The following CCDC18 variants were observed in gnomAD, a reference collection of about 807,000 sequenced individuals.
CCDC18 encodes coiled-coil domain containing 18.
CCDC18 carries 157 observed loss-of-function variants against 196.0 expected under a neutral mutation model. The ratio of observed to expected loss-of-function variants is 0.80; its 90% CI spans 0.70 to 0.91. The LOEUF is 0.91. Ranked by LOEUF, CCDC18 falls within the 40% of genes least tolerant of loss-of-function variation. CCDC18 has a pLI of 0.00. For synonymous variants in CCDC18, 482 were observed against 529.2 expected, an observed-to-expected ratio of 0.91 and a Z score of 1.22; for missense variants, 1,465 against 1,611.6, an observed-to-expected ratio of 0.91 and a Z score of 1.56.
In CCDC18 at chr1:93,270,673, T is replaced by C; in HGVS notation, c.4212T>C (p.Phe1404=). The change falls in exon 28 of 29, where the codon TTT becomes TTC. Residue 1404 remains phenylalanine, a synonymous_variant. Coordinates refer to ENST00000690025, the MANE Select transcript of CCDC18 (RefSeq NM_001378204.1). ...KNLTYTQPDS[F]KPLTYNLEAD... is the part of the protein sequence containing the mutation. ...TGACTTACACCCAGCCAGACTCATT[T>C]AAACCTCTCACATATAACCTAGAAG... 1 of 1,550,424 alleles carries C rather than the reference T, an allele frequency of 6.4e-7. No homozygotes were observed. Among genetic ancestry groups the C allele is most frequent in the Non-Finnish European group, 8.7e-7 (1 of 1,146,894 alleles).
chr1:93,206,726 GA>G (rs1335085993), intron 8 of CCDC18, among the ~76,000 whole-genome samples: 1 of 152,074 alleles, frequency 6.6e-6, no homozygotes, highest in East Asian at 1.9e-4. Flanking sequence ...CCTGTTTTAG[GA>G]ATCCAAAACT....
intron 16 of CCDC18, among the ~76,000 whole-genome samples, chr1:93,222,704 C>T (rs1570429466): frequency 6.6e-6 from 1 of 152,050 alleles, no homozygotes; most frequent in African/African-American, 2.4e-5. Context: ...AATGACAATA[C>T]CCTAGAAGAG....
chr1:93,274,603 G>A (rs1469148097), intron 28 of CCDC18, among the ~76,000 whole-genome samples: 1 of 151,972 alleles, frequency 6.6e-6, no homozygotes, highest in Non-Finnish European at 1.5e-5. Flanking sequence ...CCAACACTTT[G>A]GGAGGCCAAG....
chr1:93,251,105 T>G (rs1662178668), intron 23 of CCDC18, among the ~76,000 whole-genome samples: 2 of 152,230 alleles, frequency 1.3e-5, no homozygotes, highest in South Asian at 4.1e-4. Context: ...CTGTTTATTT[T>G]TAGTGTATCT....
chr1:93,269,190 A>G (rs1295876815), intron 27 of CCDC18, among the ~76,000 whole-genome samples: 2 of 148,306 alleles, frequency 1.3e-5, no homozygotes, highest in African/African-American at 2.5e-5. Context: ...AAAACCAAAC[A>G]CCGCATGTTC....
In CCDC18 at chr1:93,207,318, C is replaced by T. The variant is rs202214098; in HGVS notation, c.1129C>T (p.Arg377Ter). The T allele has an allele frequency of 3.8e-5, 61 of 1,612,004 alleles. No homozygotes were observed. The highest frequency in any genetic ancestry group is 4.8e-5 in the Non-Finnish European group (56 of 1,178,886). ...GGTCCGTGTTGCAGCACAGAATGAG[C>T]GACTAGATTTATGTCAACAAGAAAT... ...LKVRVAAQNE[R>*]LDLCQQEIES... The change falls in exon 9 of 29, where the codon CGA becomes TGA. Residue 377 changes from arginine to a stop codon, truncating the protein, a stop_gained. Transcript: ENST00000690025. LOFTEE classifies it high-confidence loss of function.
chr1:93,227,174 C>CTTTTTTT (rs36053002), intron 17 of CCDC18, among the ~76,000 whole-genome samples: 26 of 103,696 alleles, frequency 2.5e-4, no homozygotes, highest in African/African-American at 5.1e-4. Context: ...CATTGGAAAC[C>CTTTTTTT]TTTTTTTTTT....
chr1:93,207,457 G>A, intron 9 of CCDC18, 59 bp downstream of exon 9: 1 of 1,284,902 alleles, frequency 7.8e-7, no homozygotes, highest in Non-Finnish European at 1.1e-6. Flanking sequence ...TTTTAGAAAA[G>A]ACTATCATTT....
At chr1:93,212,586 A>C (rs1655830561) in intron 11 of CCDC18, among the ~76,000 whole-genome samples, 1 of 152,206 alleles carries the variant, frequency 6.6e-6, no homozygotes, top group Non-Finnish European at 1.5e-5. Flanking sequence ...AAATTTATCA[A>C]CTGTTTGGTT....
intron 28 of CCDC18, among the ~76,000 whole-genome samples, chr1:93,276,332 A>G (rs142210856): frequency 4.3e-4 from 65 of 152,324 alleles, no homozygotes; most frequent in African/African-American, 1.3e-3. Context: ...AACTCAAAAA[A>G]TTACACCTGT....
intron 17 of CCDC18, among the ~76,000 whole-genome samples, chr1:93,227,307 T>C (rs1353300131): frequency 6.7e-6 from 1 of 150,200 alleles, no homozygotes; most frequent in East Asian, 2.0e-4. Context: ...TATAGGCGCA[T>C]GCTGCCACGC....
At chr1:93,198,264 GT>G (rs1183328270) in intron 6 of CCDC18, among the ~76,000 whole-genome samples, 2 of 152,140 alleles carry the variant, frequency 1.3e-5, no homozygotes, top group Non-Finnish European at 2.9e-5. Flanking sequence ...ATAAACTGTG[GT>G]ATGTTCACAT....
intron 6 of CCDC18, among the ~76,000 whole-genome samples, chr1:93,198,028 G>A (rs574906555): frequency 2.0e-5 from 3 of 152,034 alleles, no homozygotes; most frequent in African/African-American, 4.8e-5. Flanking sequence ...TGGGATTACA[G>A]GTGTGAGCCA....
Position 93,212,158 on chromosome 1 carries a change from A to C in CCDC18, c.1392A>C (p.Ala464=). ...AAAAGCTTCATGCAAACCTGACTGCAAATCAGTTATCTCAGAGTCTTATTA... is the reference window on the plus strand; with the variant it reads ...AAAAGCTTCATGCAAACCTGACTGCCAATCAGTTATCTCAGAGTCTTATTA... ...EIQKLHANLT[A]NQLSQSLITC... is the part of the protein sequence containing the mutation. Residue 464 remains alanine (A), a synonymous_variant, in exon 11 of 29, where the codon GCA becomes GCC. Transcript: ENST00000690025. 1 of 1,611,390 alleles carries C rather than the reference A, an allele frequency of 6.2e-7. No homozygotes were observed. Among genetic ancestry groups the C allele is most frequent in the Non-Finnish European group, 8.5e-7 (1 of 1,179,146 alleles).
Position 93,192,059 on chromosome 1 carries a change from G to T in CCDC18, c.522G>T (p.Gln174His). 1 of 1,613,894 alleles carries T rather than the reference G, an allele frequency of 6.2e-7. No homozygotes were observed. Among genetic ancestry groups the T allele is most frequent in the South Asian group, 1.1e-5 (1 of 91,068 alleles). ...CCAGTGTCCCAATCTTAGAAGAACA[G>T]ATTATAAATTTGGAAGCAGAGGTTT... is the stretch of plus-strand genomic sequence containing the variant. ...QAASVPILEE[Q>H]IINLEAEVSA... The change falls in exon 5 of 29, where the codon CAG (glutamine) becomes CAT (histidine). Residue 174 changes from glutamine to histidine, a missense_variant. Gln to His is a conservative substitution (Grantham distance 24). Transcript: ENST00000690025.
intron 4 of CCDC18, chr1:93,190,631 C>G: frequency 3.7e-6 from 1 of 267,008 alleles, no homozygotes; most frequent in Non-Finnish European, 7.0e-6. Context: ...TAGGGAAACA[C>G]CTGCCAGCCC....
intron 10 of CCDC18, among the ~76,000 whole-genome samples, chr1:93,211,613 T>C (rs536728217): frequency 9.2e-5 from 14 of 152,338 alleles, no homozygotes; most frequent in African/African-American, 3.4e-4. Context: ...GCAATTTTGC[T>C]TTTTCACTCA....
At chr1:93,218,853 T>A (rs1397711350) in intron 14 of CCDC18, among the ~76,000 whole-genome samples, 1 of 152,216 alleles carries the variant, frequency 6.6e-6, no homozygotes, top group Non-Finnish European at 1.5e-5. Flanking sequence ...GAGTCATCTT[T>A]GAGAACAGCC....
chr1:93,234,778 GT>G (rs1195909545), intron 18 of CCDC18, among the ~76,000 whole-genome samples: 1 of 81,384 alleles, frequency 1.2e-5, no homozygotes, highest in Non-Finnish European at 2.3e-5. Context: ...TATTAATGGG[GT>G]TTTCTTGTTT....
Sources: allele counts gnomAD v4.1 joint callset (sites outside exome capture counted in the v4.1 genomes callset), GRCh38; gene constraint gnomAD v4.1.1; transcripts MANE v1.5; gene names NCBI Gene and HGNC (gene_info 2026-07-23, HGNC 2026-07-21).